PCDHA13: variants seen among roughly 807,000 people sequenced by gnomAD.
The protein encoded by PCDHA13 is protocadherin alpha-13.
Under a neutral mutation model 64.8 loss-of-function variants are expected in PCDHA13, and 54 were observed. That is an observed-to-expected ratio of 0.83 (90% CI 0.67 to 1.04). PCDHA13 has a LOEUF of 1.04. PCDHA13 is among the 50% of genes least tolerant of loss of function. PCDHA13 has a pLI of 0.00. For missense variants in PCDHA13, 1,248 were observed against 1,254.3 expected (o/e 0.99, Z 0.08); for synonymous variants, 587 against 564.4 (o/e 1.04, Z -0.57).
intron 1 of PCDHA13, among the ~76,000 whole-genome samples, chr5:140,895,640 T>G (rs1554186577): frequency 6.6e-6 from 1 of 152,220 alleles, no homozygotes; most frequent in Non-Finnish European, 1.5e-5. Flanking sequence ...ACATTCTTTT[T>G]TAGCTCCCAC....
chr5:140,941,199 C>CTCCCT (rs2092799099), intron 1 of PCDHA13, among the ~76,000 whole-genome samples: 1 of 115,882 alleles, frequency 8.6e-6, no homozygotes, highest in South Asian at 2.6e-4. Flanking sequence ...TTTTTTCTTT[C>CTCCCT]TTCCTTTCTT....
chr5:140,900,342 A>T (rs965236795), intron 1 of PCDHA13, among the ~76,000 whole-genome samples: 3 of 152,034 alleles, frequency 2.0e-5, no homozygotes, highest in South Asian at 2.1e-4. Context: ...CCGTGGCGCA[A>T]TCTTGGCTCA....
At chr5:140,968,322 C>T (rs782755782) in intron 1 of PCDHA13, 9 of 1,614,122 alleles carry the variant, frequency 5.6e-6, no homozygotes, top group Non-Finnish European at 6.8e-6. Context: ...CTGCCAGTCA[C>T]CTCCTATGTC....
At chr5:140,999,993 G>A (rs529237834) in intron 3 of PCDHA13, among the ~76,000 whole-genome samples, 1 of 152,114 alleles carries the variant, frequency 6.6e-6, no homozygotes, top group African/African-American at 2.4e-5. Flanking sequence ...CTGGGTAGTG[G>A]TATTAGATTG....
chr5:140,975,996 C>T (rs923472287), intron 1 of PCDHA13, among the ~76,000 whole-genome samples: 1 of 152,064 alleles, frequency 6.6e-6, no homozygotes, highest in African/African-American at 2.4e-5. Flanking sequence ...GAGGTACCAT[C>T]TAAGTATTAA....
intron 3 of PCDHA13, among the ~76,000 whole-genome samples, chr5:141,000,421 ATTTT>A (rs34755515): frequency 0.018 from 509 of 27,798 alleles, 2 homozygotes; most frequent in African/African-American, 0.027. Context: ...ATATATATAT[ATTTT>A]TTTTTTTTTT....
Position 140,882,819 on chromosome 5 carries a change from A to G in PCDHA13, c.551A>G (p.Asn184Ser). The G allele has an allele frequency of 6.2e-7, 1 of 1,614,244 alleles. No homozygotes were observed. The highest frequency in any genetic ancestry group is 8.5e-7 in the Non-Finnish European group (1 of 1,180,040). ...PNDYFTLDAQ[N>S]SLEQMSSLSL... ...GATTATTTCACTTTGGACGCACAAA[A>G]CAGTCTTGAGCAAATGTCTTCATTA... Residue 184 changes from asparagine (N) to serine (S), a missense_variant, in exon 1 of 4, where the codon AAC (asparagine) becomes AGC (serine). Physicochemically the swap from Asn to Ser is conservative, Grantham distance 46. Coordinates refer to ENST00000289272, the MANE Select transcript of PCDHA13 (RefSeq NM_018904.3).
At chr5:140,941,255 C>CTCTT (rs1554214207) in intron 1 of PCDHA13, among the ~76,000 whole-genome samples, 2 of 44,508 alleles carry the variant, frequency 4.5e-5, no homozygotes, top group African/African-American at 1.4e-4. Context: ...TTCTTTCTTT[C>CTCTT]TCTTTCTTTC....
chr5:140,892,261 G>A (rs1221882386), intron 1 of PCDHA13, among the ~76,000 whole-genome samples: 1 of 152,020 alleles, frequency 6.6e-6, no homozygotes, highest in Admixed American at 6.6e-5. Context: ...CTTTGATTTT[G>A]TGCTGAAAGT....
Position 141,011,434 on chromosome 5 carries a change from C to T in PCDHA13, c.*1497C>T, listed in dbSNP as rs934032017. The T allele has an allele frequency of 6.5e-6, 1 of 153,726 alleles. No homozygotes were observed. Among genetic ancestry groups the T allele is most frequent in the Non-Finnish European group, 1.5e-5 (1 of 68,038 alleles). 9.5% of individuals were successfully genotyped at this position (153,726 alleles called of 1,614,324 possible). ...ATGTGAATGTTAATGCAACTATTAC[C>T]TAGAGTGAACTTTAAGCTTTATTGT... On this transcript the variant is annotated 3_prime_UTR_variant, in exon 4 of 4. Coordinates refer to ENST00000289272, the MANE Select transcript of PCDHA13 (RefSeq NM_018904.3).
intron 1 of PCDHA13, chr5:140,968,774 C>T (rs2096269643): frequency 6.2e-7 from 1 of 1,614,088 alleles, no homozygotes. Flanking sequence ...AGAGCCATCA[C>T]TATCAGCCTC....
intron 1 of PCDHA13, among the ~76,000 whole-genome samples, chr5:140,922,458 C>A (rs782064554): frequency 6.6e-6 from 1 of 152,160 alleles, no homozygotes; most frequent in Non-Finnish European, 1.5e-5. Context: ...TATTTGTCAA[C>A]ACAAAATAGG....
At chr5:140,925,176 A>G (rs187925786) in intron 1 of PCDHA13, among the ~76,000 whole-genome samples, 2 of 152,236 alleles carry the variant, frequency 1.3e-5, no homozygotes, top group African/African-American at 2.4e-5. Context: ...ATTGACCCCA[A>G]TGTACCATCA....
At chr5:140,971,728 C>A (rs1221096186) in intron 1 of PCDHA13, among the ~76,000 whole-genome samples, 2 of 151,550 alleles carry the variant, frequency 1.3e-5, no homozygotes, top group African/African-American at 2.4e-5. Flanking sequence ...GTATATCATA[C>A]ATATACACAT....
chr5:140,927,150 G>GT, intron 1 of PCDHA13: 1 of 1,614,134 alleles, frequency 6.2e-7, no homozygotes, highest in Non-Finnish European at 8.5e-7. Context: ...GCGAACAGCT[G>GT]TGCAGGGCCA....
chr5:140,950,862 A>G (rs2094526538), intron 1 of PCDHA13, among the ~76,000 whole-genome samples: 1 of 151,952 alleles, frequency 6.6e-6, no homozygotes, highest in African/African-American at 2.4e-5. Context: ...ATATTCTTGT[A>G]TATTCTATAT....
At chr5:140,903,635 A>T (rs2070455281) in intron 1 of PCDHA13, among the ~76,000 whole-genome samples, 1 of 152,244 alleles carries the variant, frequency 6.6e-6, no homozygotes, top group Non-Finnish European at 1.5e-5. Context: ...ATGTATGCAT[A>T]TACCATATAC....
chr5:140,891,596 A>T (rs191602934), intron 1 of PCDHA13, among the ~76,000 whole-genome samples: 2 of 152,134 alleles, frequency 1.3e-5, no homozygotes, highest in African/African-American at 4.8e-5. Flanking sequence ...ACTCTATCCC[A>T]TCTATTTCTA....
chr5:140,899,936 T>A (rs1443562291), intron 1 of PCDHA13, among the ~76,000 whole-genome samples: 1 of 152,064 alleles, frequency 6.6e-6, no homozygotes, highest in Non-Finnish European at 1.5e-5. Context: ...GCCTCCTGAA[T>A]AGCTGGGACC....
Sources: allele counts gnomAD v4.1 joint callset (sites outside exome capture counted in the v4.1 genomes callset), GRCh38; gene constraint gnomAD v4.1.1; transcripts MANE v1.5; gene names NCBI Gene and HGNC (gene_info 2026-07-23, HGNC 2026-07-21).